TDRD7: variants seen among roughly 807,000 people sequenced by gnomAD.
TDRD7 encodes the protein tudor domain-containing protein 7.
TDRD7 carries 47 observed loss-of-function variants against 109.8 expected under a neutral mutation model. The observed-to-expected ratio is 0.43, with a 90% CI of 0.34 to 0.55. The LOEUF is 0.55. Among genes scored for constraint, TDRD7 ranks in the 20% least tolerant of loss-of-function variants. The pLI, the probability that TDRD7 is intolerant of heterozygous loss-of-function variation, is 0.03. For missense variants in TDRD7, 1,164 were observed against 1,319.2 expected (o/e 0.88, Z 1.82); for synonymous variants, 424 against 457.3 (o/e 0.93, Z 0.93).
At chr9:97,432,297 G>A in intron 4 of TDRD7, 59 bp downstream of exon 4, 1 of 1,422,290 alleles carries the variant, frequency 7.0e-7, no homozygotes, top group South Asian at 1.2e-5. Flanking sequence ...TGTTACAAAT[G>A]TATGTTCAGG....
intron 16 of TDRD7, among the ~76,000 whole-genome samples, chr9:97,490,909 C>CTTTTTTTTTTT (rs1174656625): frequency 1.4e-3 from 111 of 77,664 alleles, no homozygotes; most frequent in South Asian, 1.9e-3. Context: ...CTTTTCTTTT[C>CTTTTTTTTTTT]TTTTTTTTTT....
intron 1 of TDRD7, among the ~76,000 whole-genome samples, chr9:97,417,177 G>A (rs1827824776): frequency 6.6e-6 from 1 of 152,126 alleles, no homozygotes; most frequent in South Asian, 2.1e-4. Flanking sequence ...TCTCAGGCAT[G>A]TTCAAGGAAA....
At chr9:97,471,897 A>G (rs1828920393) in intron 9 of TDRD7, among the ~76,000 whole-genome samples, 1 of 152,230 alleles carries the variant, frequency 6.6e-6, no homozygotes, top group African/African-American at 2.4e-5. Context: ...TTATAAGAAA[A>G]ATAATTGTAT....
intron 16 of TDRD7, among the ~76,000 whole-genome samples, chr9:97,490,550 G>GC (rs1554750848): frequency 1.9e-5 from 1 of 54,036 alleles, no homozygotes; most frequent in Admixed American, 1.7e-4. Context: ...ATATTTTGGT[G>GC]GGGGGGGGGG....
intron 2 of TDRD7, among the ~76,000 whole-genome samples, chr9:97,429,435 C>G (rs1455920121): frequency 1.3e-5 from 2 of 152,088 alleles, no homozygotes; most frequent in East Asian, 3.9e-4. Context: ...GGGTATGTTT[C>G]TACATGTGTA....
intron 4 of TDRD7, among the ~76,000 whole-genome samples, chr9:97,432,850 C>A (rs752000390): frequency 6.6e-6 from 1 of 152,176 alleles, no homozygotes; most frequent in South Asian, 2.1e-4. Context: ...TGGCAAACTA[C>A]AATCGATGGA....
At chr9:97,443,041 G>A (rs1304013070) in intron 6 of TDRD7, among the ~76,000 whole-genome samples, 3 of 152,012 alleles carry the variant, frequency 2.0e-5, no homozygotes, top group South Asian at 2.1e-4. Context: ...CAGGTGATCC[G>A]CCCACCTCGG....
intron 6 of TDRD7, among the ~76,000 whole-genome samples, chr9:97,453,436 A>G (rs894885289): frequency 4.6e-5 from 7 of 152,158 alleles, no homozygotes; most frequent in South Asian, 2.1e-4. Context: ...GAAAAAAACC[A>G]TAATAAGTGT....
At chr9:97,469,976 A>C (rs148875256) in intron 8 of TDRD7, among the ~76,000 whole-genome samples, 4 of 152,208 alleles carry the variant, frequency 2.6e-5, no homozygotes, top group Non-Finnish European at 5.9e-5. Flanking sequence ...CCTGTTTTTT[A>C]GTTTAGAATT....
intron 6 of TDRD7, among the ~76,000 whole-genome samples, chr9:97,444,494 T>C (rs988197919): frequency 2.6e-5 from 4 of 152,398 alleles, no homozygotes; most frequent in Admixed American, 6.5e-5. Flanking sequence ...CCCCTTCTTA[T>C]AACTTCTTCT....
In TDRD7 at chr9:97,431,055, C is replaced by T; in HGVS notation, c.330C>T (p.Thr110=). ...ATTGTCAGATGAGAGTGAAGAAAAC[C>T]ATGCCATTTTTTCTAGAAGGTAGGA... ...QVNCQMRVKK[T]MPFFLEGKPK... The change falls in exon 3 of 17, where the codon ACC becomes ACT. Residue 110 remains threonine, a synonymous_variant. Coordinates refer to ENST00000355295, the MANE Select transcript of TDRD7 (RefSeq NM_014290.3). 2 of 1,613,810 alleles carry T rather than the reference C, an allele frequency of 1.2e-6. No homozygotes were observed. The highest frequency in any genetic ancestry group is 1.7e-6 in the Non-Finnish European group (2 of 1,179,794).
At chr9:97,478,645 C>G (rs766168428) in intron 13 of TDRD7, 72 bp downstream of exon 13, 17 of 1,595,944 alleles carry the variant, frequency 1.1e-5, no homozygotes, top group Non-Finnish European at 1.5e-5. Context: ...TGTAAGATGC[C>G]TTCTCAGTTT....
chr9:97,492,168 T>C (rs1164873353), intron 16 of TDRD7, among the ~76,000 whole-genome samples: 3 of 152,208 alleles, frequency 2.0e-5, no homozygotes, highest in Non-Finnish European at 4.4e-5. Context: ...AGTTGTTGAT[T>C]TTCTGTTTGT....
rs1422257319 is a variant in TDRD7 at position 97,428,567 on chromosome 9, G to T, written c.102G>T (p.Leu34Phe). The T allele has an allele frequency of 2.5e-6, 4 of 1,613,878 alleles. No homozygotes were observed. Among genetic ancestry groups the T allele is most frequent in the Non-Finnish European group, 3.4e-6 (4 of 1,179,914 alleles). ...GGCTCCAAGGAGAGTACAGATCCTT[G>T]ACTGGAGACTGGATCCCCTTCAAAC... ...LPRLQGEYRS[L>F]TGDWIPFKQL... The change falls in exon 2 of 17, where the codon TTG (leucine) becomes TTT (phenylalanine). Residue 34 changes from leucine (L) to phenylalanine (F), a missense_variant. Coordinates refer to ENST00000355295, the MANE Select transcript of TDRD7 (RefSeq NM_014290.3).
At chr9:97,491,913 C>G (rs895795526) in intron 16 of TDRD7, among the ~76,000 whole-genome samples, 1 of 152,178 alleles carries the variant, frequency 6.6e-6, no homozygotes, top group South Asian at 2.1e-4. Context: ...GTAAAACTCT[C>G]AAAAGTGTGG....
At chr9:97,444,092 T>C (rs917883282) in intron 6 of TDRD7, among the ~76,000 whole-genome samples, 1 of 152,212 alleles carries the variant, frequency 6.6e-6, no homozygotes, top group Non-Finnish European at 1.5e-5. Context: ...AAACTTTTCC[T>C]AAAATGAATA....
chr9:97,475,485 T>G lies in TDRD7; in HGVS notation c.2166+16T>G. 1 of 1,579,814 alleles carries G rather than the reference T, an allele frequency of 6.3e-7. No individual in the cohort carries two copies. The highest frequency in any genetic ancestry group is 8.7e-7 in the Non-Finnish European group (1 of 1,149,862). On this transcript the variant is annotated intron_variant, in intron 12 of 16. Transcript: ENST00000355295. ...ACGAGTAGAGGTAAAAATCAGTCAC[T>G]TGGCTTTTTAATCTTAACTTATTGT...
At chr9:97,445,025 A>G (rs1046796246) in intron 6 of TDRD7, among the ~76,000 whole-genome samples, 2 of 152,214 alleles carry the variant, frequency 1.3e-5, no homozygotes, top group Admixed American at 6.5e-5. Context: ...CAAAATGTGT[A>G]CTGAGAGTTT....
rs189681984 is a variant in TDRD7 at position 97,412,661 on chromosome 9, C to T, written c.-7+423C>T. On this transcript the variant is annotated intron_variant, in intron 1 of 16. Coordinates refer to ENST00000355295, the MANE Select transcript of TDRD7 (RefSeq NM_014290.3). This position sits in a 1 kb window ranked among gnomAD's most constrained non-coding sequence, Gnocchi z 4.3. ...GCCGCCGCCCCCAGCGAGGGATGTC[C>T]GCGCTCCCCTATTTGAACCCAAGTA... Among the ~76,000 whole-genome samples, 1 of 152,228 alleles carries T rather than the reference C, an allele frequency of 6.6e-6. No individual in the cohort carries two copies. The highest frequency in any genetic ancestry group is 1.5e-5 in the Non-Finnish European group (1 of 68,044).
Sources: gnomAD v4.1 joint callset for allele counts (sites outside exome capture counted in the v4.1 genomes callset) on GRCh38, gnomAD v4.1.1 for gene constraint, Gnocchi (gnomAD v3.1) non-coding constraint, MANE v1.5 for transcripts, NCBI Gene and HGNC (gene_info 2026-07-23, HGNC 2026-07-21) for gene names.